GRM7: variants seen among roughly 807,000 people sequenced by gnomAD.
The protein encoded by GRM7 is metabotropic glutamate receptor 7.
In GRM7, 35 loss-of-function variants were observed where a neutral mutation model predicts 84.5. The ratio of observed to expected loss-of-function variants is 0.41; its 90% CI spans 0.32 to 0.55. The LOEUF (loss-of-function observed/expected upper bound fraction) is 0.55, where lower values mean the gene tolerates loss of function less well. Ranked by LOEUF, GRM7 falls within the 20% of genes least tolerant of loss-of-function variation. The pLI, the probability that GRM7 is intolerant of heterozygous loss-of-function variation, is 0.19. For synonymous variants in GRM7, 487 were observed against 455.1 expected (o/e 1.07, Z -0.89); for missense variants, 1,003 against 1,194.6 (o/e 0.84, Z 2.36).
chr3:7,471,040 C>T (rs1359376695), intron 7 of GRM7, among the ~76,000 whole-genome samples: 1 of 151,286 alleles, frequency 6.6e-6, no homozygotes, highest in Non-Finnish European at 1.5e-5. Flanking sequence ...ATTCCTGAAC[C>T]GCAATTCCCT....
intron 8 of GRM7, among the ~76,000 whole-genome samples, chr3:7,593,571 G>A (rs1028946801): frequency 2.0e-5 from 3 of 152,158 alleles, no homozygotes; most frequent in African/African-American, 7.2e-5. Context: ...GGGCTTCTTG[G>A]AGGAGGTGCT....
At position 7,350,426 on chromosome 3, in the gene GRM7, C is replaced by G. The variant is rs1036914434; in HGVS notation, c.1033+43774C>G. Among the ~76,000 whole-genome samples, 12 of 152,094 alleles carry G rather than the reference C, an allele frequency of 7.9e-5. No homozygotes were observed. In the South Asian group the frequency reaches 2.3e-3, roughly 29 times the overall value. On this transcript the variant is annotated intron_variant, in intron 4 of 9. Transcript: ENST00000357716. The stretch of plus-strand genomic sequence containing the variant: ...GGTTGTTTAATAATACGTGGTACCT[C>G]CCACTTCTCTTCCTCCTGGTCTGGC...
At chr3:7,404,357 C>T (rs779869396) in intron 4 of GRM7, among the ~76,000 whole-genome samples, 1 of 152,136 alleles carries the variant, frequency 6.6e-6, no homozygotes, top group Non-Finnish European at 1.5e-5. Flanking sequence ...CTGGTAGATT[C>T]TTGGTGATTG....
intron 1 of GRM7, among the ~76,000 whole-genome samples, chr3:6,983,103 A>G (rs1275176514): frequency 6.6e-6 from 1 of 152,186 alleles, no homozygotes; most frequent in Non-Finnish European, 1.5e-5. Flanking sequence ...TCCTTTAGAA[A>G]TGTATTTTAA....
At chr3:6,963,974 A>G (rs916201536) in intron 1 of GRM7, among the ~76,000 whole-genome samples, 2 of 152,192 alleles carry the variant, frequency 1.3e-5, no homozygotes, top group African/African-American at 4.8e-5. Context: ...CATTTCACCA[A>G]CTTAATTTCC....
intron 8 of GRM7, among the ~76,000 whole-genome samples, chr3:7,618,938 C>A (rs1424604726): frequency 6.6e-6 from 1 of 152,090 alleles, no homozygotes; most frequent in East Asian, 1.9e-4. Flanking sequence ...GTAAAAGTGC[C>A]TATCACCAGA....
chr3:7,670,709 T>TC (rs397708022), intron 8 of GRM7, among the ~76,000 whole-genome samples: 1 of 106 alleles, frequency 9.4e-3, no homozygotes, highest in African/African-American at 0.026. Context: ...TAGAAACTGA[T>TC]AAGCTCAGAT....
At chr3:6,981,417 A>G (rs1694195079) in intron 1 of GRM7, among the ~76,000 whole-genome samples, 2 of 152,188 alleles carry the variant, frequency 1.3e-5, no homozygotes, top group African/African-American at 4.8e-5. Context: ...CCCTGCTAAA[A>G]AAATACTGAA....
At chr3:7,672,961 T>C (rs1699981641) in intron 8 of GRM7, among the ~76,000 whole-genome samples, 1 of 152,166 alleles carries the variant, frequency 6.6e-6, no homozygotes, top group South Asian at 2.1e-4. Context: ...CAGGCTGTTG[T>C]TTTTCAGTGG....
chr3:7,432,610 C>G (rs1288541210), intron 5 of GRM7, among the ~76,000 whole-genome samples: 1 of 150,910 alleles, frequency 6.6e-6, no homozygotes, highest in Non-Finnish European at 1.5e-5. Context: ...ATGTGAGCCA[C>G]CATGCCCAGC....
At position 7,656,547 on chromosome 3, in the gene GRM7, G is replaced by GCACACACA. The variant is rs36040422; in HGVS notation, c.2452-23479_2452-23472dup. Among the ~76,000 whole-genome samples the GCACACACA allele has an allele frequency of 4.3e-3, 593 of 139,260 alleles. 6 individuals carry two copies. Among genetic ancestry groups the GCACACACA allele is most frequent in the African/African-American group, 0.014 (495 of 34,790 alleles). The allele number at this position is 139,260 out of a possible 152,430, so 91.4% of individuals were successfully genotyped here. A position where few individuals can be genotyped will look rare whatever the true frequency, so the allele number is the denominator to read the frequency against. On this transcript the variant is annotated intron_variant, in intron 8 of 9. Transcript: ENST00000357716. ...AATATATATATATATATACGCGCGCGCACACACACACACACACACACACAC... is the reference window on the plus strand; with the variant it reads ...AATATATATATATATATACGCGCGCGCACACACACACACACACACACACACACACACAC...
intron 1 of GRM7, among the ~76,000 whole-genome samples, chr3:6,897,485 A>G (rs1696225853): frequency 6.6e-6 from 1 of 152,194 alleles, no homozygotes; most frequent in African/African-American, 2.4e-5. Context: ...CCACTCAGCC[A>G]TTAGAGTGAC....
intron 4 of GRM7, among the ~76,000 whole-genome samples, chr3:7,327,010 C>T (rs113420061): frequency 0.011 from 1,646 of 152,270 alleles, 32 homozygotes; most frequent in African/African-American, 0.037. Flanking sequence ...TATGAGACTA[C>T]AGATGGCATC....
chr3:7,103,331 CCT>C (rs1699175528), intron 1 of GRM7, among the ~76,000 whole-genome samples: 1 of 151,680 alleles, frequency 6.6e-6, no homozygotes, highest in Non-Finnish European at 1.5e-5. Context: ...GGCTACCAAG[CCT>C]CTCTAATTTG....
At chr3:7,083,599 A>G (rs116511814) in intron 1 of GRM7, among the ~76,000 whole-genome samples, 1 of 152,098 alleles carries the variant, frequency 6.6e-6, no homozygotes, top group Non-Finnish European at 1.5e-5. Context: ...GCCTGCATTC[A>G]TTTATGTTTT....
At chr3:7,700,450 T>G (rs1176804969) in intron 9 of GRM7, among the ~76,000 whole-genome samples, 1 of 152,196 alleles carries the variant, frequency 6.6e-6, no homozygotes, top group Non-Finnish European at 1.5e-5. Context: ...ATAGAGTGCC[T>G]CAGTCTAGAT....
At chr3:7,041,922 A>G (rs1419582520) in intron 1 of GRM7, among the ~76,000 whole-genome samples, 2 of 152,160 alleles carry the variant, frequency 1.3e-5, no homozygotes, top group African/African-American at 4.8e-5. Flanking sequence ...GACTTAACCA[A>G]TCTTGCTTAC....
chr3:7,342,645 A>G (rs973020857), intron 4 of GRM7, among the ~76,000 whole-genome samples: 1 of 151,574 alleles, frequency 6.6e-6, no homozygotes, highest in Non-Finnish European at 1.5e-5. Context: ...GCAGGTTCCT[A>G]GGTTCCATCC....
intron 5 of GRM7, among the ~76,000 whole-genome samples, chr3:7,416,416 C>T (rs910567730): frequency 1.3e-5 from 2 of 152,126 alleles, no homozygotes; most frequent in African/African-American, 4.8e-5. Flanking sequence ...TCATGTGGGA[C>T]ACAGTTCTGC....
Sources: allele counts gnomAD v4.1 joint callset (sites outside exome capture counted in the v4.1 genomes callset), GRCh38; gene constraint gnomAD v4.1.1; transcripts MANE v1.5; gene names NCBI Gene and HGNC (gene_info 2026-07-23, HGNC 2026-07-21).